IL1RAPL1: variants seen among roughly 807,000 people sequenced by gnomAD.
The protein encoded by IL1RAPL1 is interleukin 1 receptor accessory protein like 1.
IL1RAPL1 carries 3 observed loss-of-function variants against 48.4 expected under a neutral mutation model. That is an observed-to-expected ratio of 0.06 (90% CI 0.03 to 0.16). The LOEUF is 0.16. Ranked by LOEUF, IL1RAPL1 falls within the 10% of genes least tolerant of loss-of-function variation. The pLI is 1.00. For synonymous variants in IL1RAPL1, 185 were observed against 187.7 expected, an observed-to-expected ratio of 0.99 and a Z score of 0.12; for missense variants, 349 against 530.6, an observed-to-expected ratio of 0.66 and a Z score of 3.36.
chrX:29,859,339 C>T (rs1408431732), intron 6 of IL1RAPL1, among the ~76,000 whole-genome samples: 2 of 111,762 alleles, frequency 1.8e-5, no homozygotes, highest in East Asian at 5.6e-4. Flanking sequence ...TTGGAATTTA[C>T]CTCTGATGGC....
At chrX:29,601,439 G>C (rs1278093032) in intron 5 of IL1RAPL1, among the ~76,000 whole-genome samples, 1 of 111,571 alleles carries the variant, frequency 9.0e-6, no homozygotes, top group Non-Finnish European at 1.9e-5. Flanking sequence ...TGGCTTTTTA[G>C]TAGTAAATCC....
At chrX:29,252,107 G>T (rs191916759) in intron 2 of IL1RAPL1, among the ~76,000 whole-genome samples, 1 of 108,595 alleles carries the variant, frequency 9.2e-6, no homozygotes, top group African/African-American at 3.5e-5. Context: ...ACACTCTGGG[G>T]ACTGTTGTGG....
chrX:29,857,163 C>T (rs775944868), intron 6 of IL1RAPL1, among the ~76,000 whole-genome samples: 3 of 111,061 alleles, frequency 2.7e-5, no homozygotes, highest in Admixed American at 9.6e-5. Flanking sequence ...AAAATAAGTA[C>T]GTCTAAATTT....
intron 5 of IL1RAPL1, among the ~76,000 whole-genome samples, chrX:29,553,561 C>T (rs1230728065): frequency 9.0e-6 from 1 of 111,705 alleles, no homozygotes; most frequent in Non-Finnish European, 1.9e-5. Flanking sequence ...CTTTTTGCTT[C>T]CCCTCTTAGG....
At chrX:29,783,068 C>A (rs1929395677) in intron 6 of IL1RAPL1, among the ~76,000 whole-genome samples, 1 of 106,528 alleles carries the variant, frequency 9.4e-6, no homozygotes. Flanking sequence ...CTACGCCCGG[C>A]TAATTTTTTG....
chrX:29,221,239 C>T (rs1448080989), intron 2 of IL1RAPL1, among the ~76,000 whole-genome samples: 1 of 111,619 alleles, frequency 9.0e-6, no homozygotes, highest in Non-Finnish European at 1.9e-5. Context: ...AAAACTTATC[C>T]AATGTTATTA....
chrX:29,798,020 C>T (rs1042963743), intron 6 of IL1RAPL1, among the ~76,000 whole-genome samples: 1 of 112,133 alleles, frequency 8.9e-6, no homozygotes, highest in African/African-American at 3.2e-5. Flanking sequence ...CACAGATTAT[C>T]GGGGGGCTCA....
chrX:28,781,312 A>T (rs936445652), intron 1 of IL1RAPL1, among the ~76,000 whole-genome samples: 4 of 102,999 alleles, frequency 3.9e-5, no homozygotes, highest in Non-Finnish European at 7.9e-5. Flanking sequence ...TTTTATTTTT[A>T]TTTTTATTTT....
intron 3 of IL1RAPL1, among the ~76,000 whole-genome samples, chrX:29,319,286 G>T (rs1932785071): frequency 9.4e-6 from 1 of 106,812 alleles, no homozygotes; most frequent in African/African-American, 3.4e-5. Context: ...CCATCTCCCA[G>T]GCTCAAATGA....
At chrX:28,769,153 ATG>A (rs1199720442) in intron 1 of IL1RAPL1, among the ~76,000 whole-genome samples, 8 of 106,777 alleles carry the variant, frequency 7.5e-5, no homozygotes, top group Non-Finnish European at 9.7e-5. Flanking sequence ...GTTTGTGTGT[ATG>A]TGTGTGTGTG....
chrX:28,888,491 A>T (rs1030970530), intron 2 of IL1RAPL1, among the ~76,000 whole-genome samples: 2 of 111,221 alleles, frequency 1.8e-5, no homozygotes, highest in African/African-American at 6.5e-5. Context: ...GGCAAAAAAC[A>T]TGAAAGCCAA....
At chrX:29,749,721 T>C (rs1277846221) in intron 6 of IL1RAPL1, among the ~76,000 whole-genome samples, 1 of 112,090 alleles carries the variant, frequency 8.9e-6, no homozygotes, top group Non-Finnish European at 1.9e-5. Flanking sequence ...CAATACAATG[T>C]TTAGGAAGTG....
chrX:28,891,516 C>T (rs993503478), intron 2 of IL1RAPL1, among the ~76,000 whole-genome samples: 1 of 111,824 alleles, frequency 8.9e-6, no homozygotes, highest in South Asian at 3.7e-4. Flanking sequence ...TATGGATCTG[C>T]CTGTTTTGGA....
intron 3 of IL1RAPL1, among the ~76,000 whole-genome samples, chrX:29,324,959 A>G (rs902230771): frequency 8.9e-6 from 1 of 112,098 alleles, no homozygotes; most frequent in Non-Finnish European, 1.9e-5. Context: ...AATATCTTAC[A>G]ATAGCTATTG....
At chrX:28,818,214 A>G (rs1015733015) in intron 2 of IL1RAPL1, among the ~76,000 whole-genome samples, 1 of 110,985 alleles carries the variant, frequency 9.0e-6, no homozygotes, top group African/African-American at 3.3e-5. Flanking sequence ...CAAAAATTTA[A>G]GGACACGGGG....
At chrX:29,243,220 A>C (rs1382705287) in intron 2 of IL1RAPL1, among the ~76,000 whole-genome samples, 1 of 112,391 alleles carries the variant, frequency 8.9e-6, no homozygotes, top group Non-Finnish European at 1.9e-5. Context: ...TTTTGCGTTC[A>C]TGCTTTGATG....
At chrX:28,936,573 A>G (rs765244155) in intron 2 of IL1RAPL1, among the ~76,000 whole-genome samples, 12 of 110,297 alleles carry the variant, frequency 1.1e-4, no homozygotes, top group African/African-American at 2.6e-4. Context: ...TTATGTGTGT[A>G]TATATATATG....
intron 1 of IL1RAPL1, among the ~76,000 whole-genome samples, chrX:28,768,753 C>CTA (rs1190280943): frequency 1.2e-3 from 62 of 53,573 alleles, no homozygotes; most frequent in South Asian, 4.4e-3. Flanking sequence ...CTCTCTCTCT[C>CTA]TCTATATATA....
At chrX:29,091,465 G>A (rs1299518893) in intron 2 of IL1RAPL1, among the ~76,000 whole-genome samples, 2 of 112,018 alleles carry the variant, frequency 1.8e-5, no homozygotes, top group Non-Finnish European at 3.8e-5. Context: ...TCTCAGTTGA[G>A]CCAAATCAAT....
Sources: gnomAD v4.1 joint callset for allele counts (sites outside exome capture counted in the v4.1 genomes callset) on GRCh38, gnomAD v4.1.1 for gene constraint, MANE v1.5 for transcripts, NCBI Gene and HGNC (gene_info 2026-07-23, HGNC 2026-07-21) for gene names.